Variants in CTNNA3 observed in about 807,000 individuals in gnomAD.
CTNNA3 encodes catenin alpha 3, also known as catenin alpha-3.
CTNNA3 carries 76 observed loss-of-function variants against 95.7 expected under a neutral mutation model. The ratio of observed to expected loss-of-function variants is 0.79; its 90% CI spans 0.66 to 0.96. The LOEUF (loss-of-function observed/expected upper bound fraction) is 0.96, where lower values mean the gene tolerates loss of function less well. Ranked by LOEUF, CTNNA3 falls within the 40% of genes least tolerant of loss-of-function variation. The probability of loss-of-function intolerance (pLI) is 0.00; values close to 1 mark genes in which losing one functional copy is unlikely to be tolerated. For synonymous variants in CTNNA3, 431 were observed against 374.4 expected (o/e 1.15, Z -1.74); for missense variants, 1,191 against 1,089.8 (o/e 1.09, Z -1.31).
chr10:67,580,083 C>T (rs566564285), intron 3 of CTNNA3, among the ~76,000 whole-genome samples: 2 of 152,108 alleles, frequency 1.3e-5, no homozygotes, highest in African/African-American at 4.8e-5. Context: ...TCAATTTAGG[C>T]TTTTGTTGCC....
chr10:66,059,082 T>A (rs1589306588), intron 15 of CTNNA3, among the ~76,000 whole-genome samples: 1 of 151,354 alleles, frequency 6.6e-6, no homozygotes, highest in African/African-American at 2.4e-5. Context: ...ACAAAGAGGT[T>A]TTCAGCTGTA....
At chr10:66,904,944 A>G (rs1235442656) in intron 7 of CTNNA3, among the ~76,000 whole-genome samples, 1 of 152,224 alleles carries the variant, frequency 6.6e-6, no homozygotes, top group Non-Finnish European at 1.5e-5. Context: ...TATTTCAACC[A>G]TTATGGACGA....
intron 13 of CTNNA3, among the ~76,000 whole-genome samples, chr10:66,217,513 C>T (rs970402648): frequency 6.6e-6 from 1 of 152,016 alleles, no homozygotes; most frequent in Non-Finnish European, 1.5e-5. Context: ...TATTCCAGTT[C>T]GTTTAACCAT....
intron 7 of CTNNA3, among the ~76,000 whole-genome samples, chr10:67,142,575 A>G (rs1034824517): frequency 2.0e-5 from 3 of 152,162 alleles, no homozygotes; most frequent in African/African-American, 7.2e-5. Flanking sequence ...TTTACTCTAT[A>G]TTACTGTAGC....
In CTNNA3 at chr10:66,346,242, TATATAGAG is replaced by T. The variant is rs2092515987; in HGVS notation, c.1732+32902_1732+32909del. ...ATATATATATATATATATATATATA[TATATAGAG>T]AGAGAGAGAGAGAGAGAGAGAGAGA... is the stretch of plus-strand genomic sequence containing the variant. On this transcript the variant is annotated intron_variant, in intron 12 of 17. Coordinates refer to ENST00000433211, the MANE Select transcript of CTNNA3 (RefSeq NM_013266.4). 1.0e-3 allele frequency among the ~76,000 whole-genome samples: 9 copies of T among 8,862 alleles called. No homozygotes were observed. In the South Asian group the frequency reaches 0.028, roughly 27 times the overall value. 5.8% of individuals were successfully genotyped at this position (8,862 alleles called of 152,430 possible).
chr10:67,364,861 T>C (rs1467750648), intron 5 of CTNNA3, among the ~76,000 whole-genome samples: 2 of 152,264 alleles, frequency 1.3e-5, no homozygotes, highest in Admixed American at 6.5e-5. Context: ...CTTCATAGAA[T>C]TGGAAAAACC....
At chr10:66,714,076 A>G (rs1367958755) in intron 9 of CTNNA3, among the ~76,000 whole-genome samples, 1 of 152,098 alleles carries the variant, frequency 6.6e-6, no homozygotes, top group Non-Finnish European at 1.5e-5. Context: ...GGCTTGAGGC[A>G]CTCTCCAAAG....
At chr10:66,901,132 G>A (rs374500867) in intron 7 of CTNNA3, among the ~76,000 whole-genome samples, 1 of 152,280 alleles carries the variant, frequency 6.6e-6, no homozygotes, top group African/African-American at 2.4e-5. Flanking sequence ...CAGAGAGAAA[G>A]GTCGGGTTAC....
intron 10 of CTNNA3, among the ~76,000 whole-genome samples, chr10:66,535,992 T>C (rs1841638929): frequency 6.6e-6 from 1 of 152,222 alleles, no homozygotes; most frequent in East Asian, 1.9e-4. Flanking sequence ...AATTAAAATA[T>C]TGCAGCAAAT....
At chr10:66,569,814 A>G (rs2132160607) in intron 10 of CTNNA3, among the ~76,000 whole-genome samples, 1 of 152,300 alleles carries the variant, frequency 6.6e-6, no homozygotes, top group East Asian at 1.9e-4. Flanking sequence ...TATGAGCAAT[A>G]TCAGGAGTGG....
At chr10:66,053,637 AATT>A (rs1320054837) in intron 15 of CTNNA3, among the ~76,000 whole-genome samples, 1 of 152,028 alleles carries the variant, frequency 6.6e-6, no homozygotes. Context: ...CTTAATTTTT[AATT>A]ATTATGAATA....
At chr10:67,232,351 A>G (rs1374301646) in intron 5 of CTNNA3, among the ~76,000 whole-genome samples, 107 of 152,120 alleles carry the variant, frequency 7.0e-4, no homozygotes, top group Non-Finnish European at 1.0e-3. Flanking sequence ...AGTGGGGGCC[A>G]ATATTCAACA....
rs199767573 is a variant in CTNNA3 at position 66,422,743 on chromosome 10, A to AT, written c.1532-43392dup. ...CTGCTGTTGTATTTTGAGAAAGATGATTTTTTTTTCTTTTTTTCTTGAGAT... is the reference window on the plus strand; with the variant it reads ...CTGCTGTTGTATTTTGAGAAAGATGATTTTTTTTTTCTTTTTTTCTTGAGAT... On this transcript the variant is annotated intron_variant, in intron 11 of 17. Coordinates refer to ENST00000433211, the MANE Select transcript of CTNNA3 (RefSeq NM_013266.4). Among the ~76,000 whole-genome samples, 1,321 of 151,064 alleles carry AT rather than the reference A, an allele frequency of 8.7e-3. 11 individuals are homozygous for AT. Among genetic ancestry groups the AT allele is most frequent in the Non-Finnish European group, 0.012 (798 of 67,704 alleles).
chr10:67,306,560 G>A (rs1303671464), intron 5 of CTNNA3, among the ~76,000 whole-genome samples: 3 of 152,100 alleles, frequency 2.0e-5, no homozygotes, highest in Non-Finnish European at 4.4e-5. Context: ...TCAGGAACAA[G>A]AGTTGGAAAG....
At chr10:66,176,426 C>T (rs1355309126) in intron 13 of CTNNA3, among the ~76,000 whole-genome samples, 1 of 151,876 alleles carries the variant, frequency 6.6e-6, no homozygotes, top group Admixed American at 6.6e-5. Flanking sequence ...AAAAAAGATG[C>T]TCTTACATAA....
intron 12 of CTNNA3, among the ~76,000 whole-genome samples, chr10:66,289,107 G>A (rs746191059): frequency 6.6e-5 from 10 of 151,826 alleles, no homozygotes; most frequent in Non-Finnish European, 1.5e-4. Context: ...AACAGTGTCT[G>A]GAATTTCAGT....
At position 66,502,452 on chromosome 10, in the gene CTNNA3, T is replaced by C. The variant is rs114499867; in HGVS notation, c.1531+18165A>G. On this transcript the variant is annotated intron_variant, in intron 11 of 17. Coordinates refer to ENST00000433211, the MANE Select transcript of CTNNA3 (RefSeq NM_013266.4). ...CCTCAATAATAACATGCACTTTTTT[T>C]CCCATTGGATTTTGCTCTAATTTTT... 8.7e-3 allele frequency among the ~76,000 whole-genome samples: 1,317 copies of C among 152,240 alleles called. 26 individuals are homozygous for C. Among genetic ancestry groups the C allele is most frequent in the African/African-American group, 0.03 (1,231 of 41,544 alleles).
intron 5 of CTNNA3, among the ~76,000 whole-genome samples, chr10:67,424,720 A>G (rs1247185568): frequency 1.3e-5 from 2 of 152,090 alleles, no homozygotes; most frequent in Non-Finnish European, 2.9e-5. Flanking sequence ...TAACTCTCTA[A>G]ACAATTATTT....
At chr10:66,931,345 C>CGTA (rs1847379179) in intron 7 of CTNNA3, among the ~76,000 whole-genome samples, 1 of 152,130 alleles carries the variant, frequency 6.6e-6, no homozygotes, top group Non-Finnish European at 1.5e-5. Context: ...CATAGTGCTA[C>CGTA]CACAGCATGT....
Sources: gnomAD v4.1 joint callset for allele counts (sites outside exome capture counted in the v4.1 genomes callset) on GRCh38, gnomAD v4.1.1 for gene constraint, MANE v1.5 for transcripts, NCBI Gene and HGNC (gene_info 2026-07-23, HGNC 2026-07-21) for gene names.